MGAT4A: variants seen among roughly 807,000 people sequenced by gnomAD.
The protein encoded by MGAT4A is alpha-1,3-mannosyl-glycoprotein 4-beta-N-acetylglucosaminyltransferase A.
A neutral mutation model predicts 74.1 loss-of-function variants in MGAT4A; 33 were observed. That is an observed-to-expected ratio of 0.45 (90% CI 0.34 to 0.60). The LOEUF is 0.60. MGAT4A is among the 20% of genes least tolerant of loss of function. The pLI, the probability that MGAT4A is intolerant of heterozygous loss-of-function variation, is 0.02. For missense variants in MGAT4A, 479 were observed against 628.3 expected (o/e 0.76, Z 2.54); for synonymous variants, 198 against 210.4 (o/e 0.94, Z 0.51).
At chr2:98,709,115 G>A (rs1702479965) in intron 2 of MGAT4A, among the ~76,000 whole-genome samples, 1 of 152,156 alleles carries the variant, frequency 6.6e-6, no homozygotes, top group Non-Finnish European at 1.5e-5. Flanking sequence ...AATTGCCTGA[G>A]TGTCTTCATG....
At chr2:98,704,823 G>A (rs1311544119) in intron 2 of MGAT4A, among the ~76,000 whole-genome samples, 1 of 151,986 alleles carries the variant, frequency 6.6e-6, no homozygotes, top group Non-Finnish European at 1.5e-5. Flanking sequence ...CTGTAACTAG[G>A]ATTAGCAAAT....
chr2:98,624,776 T>C lies in MGAT4A; in HGVS notation c.*790A>G. On this transcript the variant is annotated 3_prime_UTR_variant, in exon 16 of 16. Transcript: ENST00000393487. ...GCATCACACTTACACATTGAAAATT[T>C]ATCAGACTGACTTTCTGTGGCTATA... The C allele has an allele frequency of 1.0e-6, 1 of 984,734 alleles. No individual in the cohort carries two copies. The highest frequency in any genetic ancestry group is 1.7e-5 in the African/African-American group (1 of 57,324). The allele number at this position is 984,734 out of a possible 1,614,324, so 61.0% of individuals were successfully genotyped here.
chr2:98,695,138 G>A (rs1205691008), intron 2 of MGAT4A: 3 of 148,594 alleles, frequency 2.0e-5, no homozygotes, highest in African/African-American at 7.5e-5. Context: ...CTGGGTTCAA[G>A]TGATTCTTGT....
chr2:98,723,089 C>G (rs1392898749), intron 2 of MGAT4A, among the ~76,000 whole-genome samples: 1 of 152,236 alleles, frequency 6.6e-6, no homozygotes, highest in Non-Finnish European at 1.5e-5. Context: ...TGCACCACAG[C>G]TTCCCTGGCA....
intron 4 of MGAT4A, among the ~76,000 whole-genome samples, chr2:98,672,500 CTT>C (rs1463177997): frequency 6.6e-6 from 1 of 152,186 alleles, no homozygotes; most frequent in East Asian, 1.9e-4. Flanking sequence ...CAATGAGAGT[CTT>C]TGCTCAGCCC....
chr2:98,655,353 G>T (rs1701642275), intron 8 of MGAT4A, 92 bp downstream of exon 8: 1 of 898,996 alleles, frequency 1.1e-6, no homozygotes. Flanking sequence ...CAGAGGGTTT[G>T]CACTTTCAAA....
intron 10 of MGAT4A, among the ~76,000 whole-genome samples, chr2:98,642,642 G>C (rs1701427416): frequency 6.6e-6 from 1 of 152,188 alleles, no homozygotes; most frequent in Admixed American, 6.5e-5. Flanking sequence ...TGTATTGTAG[G>C]AGGTTAAAGA....
In MGAT4A at chr2:98,640,342, G is replaced by A. The variant is rs926124622; in HGVS notation, c.1021-114C>T. 2.0e-5 allele frequency: 17 copies of A among 831,196 alleles called. No homozygotes were observed. The East Asian group carries it at 4.0e-4, about 20-fold the overall frequency. 51.5% of individuals were successfully genotyped at this position (831,196 alleles called of 1,614,324 possible). The stretch of plus-strand genomic sequence containing the variant: ...TTGAAAAGAAGGGCTGGGCGCGGTG[G>A]GTCATGCCTATAATCCCAGCATGTT... On this transcript the variant is annotated intron_variant, in intron 10 of 15. Transcript: ENST00000393487.
chr2:98,682,213 G>A (rs538343048), intron 2 of MGAT4A, among the ~76,000 whole-genome samples: 4 of 151,876 alleles, frequency 2.6e-5, no homozygotes, highest in East Asian at 1.9e-4. Flanking sequence ...ACCTGAGGTC[G>A]GGAATTCAAG....
chr2:98,693,750 A>C (rs1246993934), intron 2 of MGAT4A, among the ~76,000 whole-genome samples: 1 of 152,090 alleles, frequency 6.6e-6, no homozygotes, highest in Non-Finnish European at 1.5e-5. Flanking sequence ...TACTTCACTC[A>C]AACTGATAAA....
rs79593424 is a variant in MGAT4A at position 98,630,632 on chromosome 2, G to A, written c.1468+4590C>T. On this transcript the variant is annotated intron_variant, in intron 14 of 15. Coordinates refer to ENST00000393487, the MANE Select transcript of MGAT4A (RefSeq NM_012214.3). ...TGTTCCATACGTACATAGGCATTTTGTTCCATGAAAAAAAGAGATGTAAAA... is the reference window on the plus strand; with the variant it reads ...TGTTCCATACGTACATAGGCATTTTATTCCATGAAAAAAAGAGATGTAAAA... Among the ~76,000 whole-genome samples the A allele has an allele frequency of 4.7e-3, 720 of 152,098 alleles. 4 individuals carry two copies. Among genetic ancestry groups the A allele is most frequent in the Middle Eastern group, 0.024 (7 of 294 alleles).
intron 2 of MGAT4A, among the ~76,000 whole-genome samples, chr2:98,692,350 C>T (rs766215929): frequency 2.0e-5 from 3 of 152,104 alleles, no homozygotes; most frequent in African/African-American, 7.2e-5. Flanking sequence ...GTGATCCTCC[C>T]GCCTCAGCCT....
At chr2:98,686,596 G>A (rs182220571) in intron 2 of MGAT4A, among the ~76,000 whole-genome samples, 4 of 151,846 alleles carry the variant, frequency 2.6e-5, no homozygotes, top group Admixed American at 2.6e-4. Flanking sequence ...ACCCAGGCTG[G>A]AGTGCAGTGG....
chr2:98,638,600 T>C (rs1346923237), intron 12 of MGAT4A, among the ~76,000 whole-genome samples: 1 of 152,230 alleles, frequency 6.6e-6, no homozygotes, highest in Non-Finnish European at 1.5e-5. Context: ...GTGCAGAGTA[T>C]TACTAATAGT....
chr2:98,659,391 T>G (rs1701710950), intron 5 of MGAT4A, among the ~76,000 whole-genome samples: 1 of 152,054 alleles, frequency 6.6e-6, no homozygotes, highest in Non-Finnish European at 1.5e-5. Context: ...TCCTTGCCCC[T>G]TCAAGGACCC....
chr2:98,690,070 C>G (rs1436311523), intron 2 of MGAT4A, among the ~76,000 whole-genome samples: 1 of 152,070 alleles, frequency 6.6e-6, no homozygotes, highest in African/African-American at 2.4e-5. Context: ...AAAGGGCAAC[C>G]CAGCAGGACA....
intron 2 of MGAT4A, among the ~76,000 whole-genome samples, chr2:98,714,991 T>C (rs1702571334): frequency 6.6e-6 from 1 of 151,108 alleles, no homozygotes; most frequent in African/African-American, 2.4e-5. Context: ...TATCCATGAG[T>C]TCATACTTAT....
At chr2:98,630,144 T>C (rs1243338333) in intron 14 of MGAT4A, among the ~76,000 whole-genome samples, 2 of 152,244 alleles carry the variant, frequency 1.3e-5, no homozygotes, top group African/African-American at 4.8e-5. Flanking sequence ...GAAACTCTCA[T>C]ACATGTGCAC....
At chr2:98,728,813 TTC>T (rs1266306525) in intron 1 of MGAT4A, among the ~76,000 whole-genome samples, 3 of 151,892 alleles carry the variant, frequency 2.0e-5, no homozygotes, top group Admixed American at 6.6e-5. Context: ...CAATAATGAA[TTC>T]TGATTATAAA....
Sources: gnomAD v4.1 joint callset for allele counts (sites outside exome capture counted in the v4.1 genomes callset) on GRCh38, gnomAD v4.1.1 for gene constraint, MANE v1.5 for transcripts, NCBI Gene and HGNC (gene_info 2026-07-23, HGNC 2026-07-21) for gene names.